SYT6: variants seen among roughly 807,000 people sequenced by gnomAD.
The protein encoded by SYT6 is synaptotagmin-6.
A neutral mutation model predicts 38.4 loss-of-function variants in SYT6; 24 were observed. That is an observed-to-expected ratio of 0.62 (90% CI 0.45 to 0.88). The LOEUF (loss-of-function observed/expected upper bound fraction) is 0.88. Among genes scored for constraint, SYT6 ranks in the 40% least tolerant of loss-of-function variants. The pLI is 0.00. For synonymous variants in SYT6, 265 were observed against 241.9 expected (o/e 1.10, Z -0.89); for missense variants, 611 against 621.0 (o/e 0.98, Z 0.17).
chr1:114,126,121 T>C lies in SYT6; in HGVS notation c.1071+11374A>G, dbSNP rs529037252. Among the ~76,000 whole-genome samples, 14 of 152,256 alleles carry C rather than the reference T, an allele frequency of 9.2e-5. No individual in the cohort carries two copies. In the East Asian group the frequency reaches 2.3e-3, roughly 25 times the overall value. On this transcript the variant is annotated intron_variant, in intron 3 of 7. Transcript: ENST00000610222. The stretch of plus-strand genomic sequence containing the variant: ...GACTAGGAAGGGCATGGGCTGGGTC[T>C]CATGAGACCTGATTTGGAGCCCAGA...
intron 5 of SYT6, among the ~76,000 whole-genome samples, chr1:114,098,425 A>C (rs939881839): frequency 7.2e-5 from 11 of 152,218 alleles, no homozygotes; most frequent in Admixed American, 7.2e-4. Context: ...GGAGAGAAGA[A>C]GTTATGGGGA....
intron 2 of SYT6, among the ~76,000 whole-genome samples, chr1:114,139,017 A>T (rs777313101): frequency 6.6e-6 from 1 of 152,208 alleles, no homozygotes; most frequent in Non-Finnish European, 1.5e-5. Context: ...TGCCTTACGC[A>T]TGCTTGCACC....
intron 3 of SYT6, among the ~76,000 whole-genome samples, chr1:114,111,983 G>C (rs945311167): frequency 6.6e-6 from 1 of 152,208 alleles, no homozygotes; most frequent in Non-Finnish European, 1.5e-5. Flanking sequence ...AATGCTGGGG[G>C]TGTCTGGGGT....
At chr1:114,100,268 C>T (rs1307180845) in intron 4 of SYT6, among the ~76,000 whole-genome samples, 2 of 152,188 alleles carry the variant, frequency 1.3e-5, no homozygotes, top group African/African-American at 2.4e-5. Context: ...GCTTTCGAGA[C>T]GCTGATGTGC....
At chr1:114,096,422 G>A (rs1449729571) in intron 6 of SYT6, among the ~76,000 whole-genome samples, 1 of 152,190 alleles carries the variant, frequency 6.6e-6, no homozygotes, top group African/African-American at 2.4e-5. Flanking sequence ...TCTTGATGCT[G>A]CCCCAAAGGT....
intron 3 of SYT6, among the ~76,000 whole-genome samples, chr1:114,131,405 ACTTTT>A (rs1678143187): frequency 6.6e-6 from 1 of 152,122 alleles, no homozygotes. Context: ...CTGGCCTAAA[ACTTTT>A]CTTTTCTAGA....
At chr1:114,105,349 C>T (rs186878924) in intron 3 of SYT6, among the ~76,000 whole-genome samples, 150 of 149,954 alleles carry the variant, frequency 1.0e-3, no homozygotes, top group Middle Eastern at 3.4e-3. Flanking sequence ...CTCCCCCTAC[C>T]TCCAGAGCCT....
intron 6 of SYT6, among the ~76,000 whole-genome samples, chr1:114,095,121 G>A (rs969948335): frequency 6.6e-6 from 1 of 152,298 alleles, no homozygotes; most frequent in East Asian, 1.9e-4. Flanking sequence ...GATCGTGCGT[G>A]GGGGAGGGGG....
chr1:114,121,430 C>T (rs1677395247), intron 3 of SYT6, among the ~76,000 whole-genome samples: 1 of 152,220 alleles, frequency 6.6e-6, no homozygotes, highest in African/African-American at 2.4e-5. Context: ...GCATCAACCC[C>T]TCACAGCCTC....
intron 3 of SYT6, among the ~76,000 whole-genome samples, chr1:114,129,522 TTC>T (rs1491115430): frequency 6.6e-6 from 1 of 151,922 alleles, no homozygotes. Context: ...TTCTTTGTTT[TTC>T]TCTTTCTTTC....
In SYT6 at chr1:114,146,545, C is replaced by T. The variant is rs629961; in HGVS notation, c.164-6582G>A. On this transcript the variant is annotated intron_variant, in intron 1 of 7. Transcript: ENST00000610222. ...TTGAGGCAGCTAGAACTTTGATGGG[C>T]AACTCTGCCAGTTTCTGAGTCCTGA... Among the ~76,000 whole-genome samples, 1,469 of 152,316 alleles carry T rather than the reference C, an allele frequency of 9.6e-3. 25 individuals carry two copies. The highest frequency in any genetic ancestry group is 0.034 in the African/African-American group (1,412 of 41,562).
chr1:114,148,942 G>C (rs533558348), intron 1 of SYT6, among the ~76,000 whole-genome samples: 3 of 152,108 alleles, frequency 2.0e-5, no homozygotes, highest in Non-Finnish European at 4.4e-5. Flanking sequence ...GAGCTGTGGA[G>C]TCCCAGGCTG....
chr1:114,105,979 G>A (rs1676288244), intron 3 of SYT6, among the ~76,000 whole-genome samples: 1 of 152,172 alleles, frequency 6.6e-6, no homozygotes. Context: ...GGTCTAGCGG[G>A]GCGTAACCAG....
intron 3 of SYT6, among the ~76,000 whole-genome samples, chr1:114,112,862 A>G (rs994490838): frequency 6.6e-6 from 1 of 152,196 alleles, no homozygotes; most frequent in African/African-American, 2.4e-5. Flanking sequence ...GAGGGCAGAC[A>G]TCTCCCCGTG....
chr1:114,145,430 G>T (rs144421992), intron 1 of SYT6, among the ~76,000 whole-genome samples: 192 of 151,814 alleles, frequency 1.3e-3, no homozygotes, highest in African/African-American at 4.5e-3. Flanking sequence ...CAGCCAGTCT[G>T]GTTCTGAAGT....
chr1:114,113,710 G>A (rs1318645688), intron 3 of SYT6, among the ~76,000 whole-genome samples: 3 of 152,016 alleles, frequency 2.0e-5, no homozygotes, highest in South Asian at 2.1e-4. Context: ...AGTGCCACAC[G>A]GAGGCCAAAG....
chr1:114,104,166 G>T (rs1230503173), intron 3 of SYT6, among the ~76,000 whole-genome samples: 1 of 152,172 alleles, frequency 6.6e-6, no homozygotes. Flanking sequence ...ACATGCTCTA[G>T]ACTTCAGCTG....
rs139584624 is a variant in SYT6 at position 114,120,853 on chromosome 1, C to T, written c.1071+16642G>A. 3.5e-3 allele frequency among the ~76,000 whole-genome samples: 537 copies of T among 152,344 alleles called. 4 individuals are homozygous for T. Among genetic ancestry groups the T allele is most frequent in the African/African-American group, 0.012 (517 of 41,576 alleles). ...TCAGGGATTGGTAAAGAGGGTGTGG[C>T]TGGCTAGGACCCCCTCCTACGTCAC... On this transcript the variant is annotated intron_variant, in intron 3 of 7. Coordinates refer to ENST00000610222, the MANE Select transcript of SYT6 (RefSeq NM_001253772.2).
At chr1:114,134,796 G>T (rs1197368110) in intron 3 of SYT6, among the ~76,000 whole-genome samples, 1 of 152,226 alleles carries the variant, frequency 6.6e-6, no homozygotes, top group East Asian at 1.9e-4. Flanking sequence ...ACACATGGGA[G>T]AGATGGGAGC....
Sources: allele counts gnomAD v4.1 joint callset (sites outside exome capture counted in the v4.1 genomes callset), GRCh38; gene constraint gnomAD v4.1.1; transcripts MANE v1.5; gene names NCBI Gene and HGNC (gene_info 2026-07-23, HGNC 2026-07-21).